The following MSI2 variants were observed in gnomAD, a reference collection of about 807,000 sequenced individuals.
MSI2 encodes the protein musashi RNA binding protein 2.
A neutral mutation model predicts 45.6 loss-of-function variants in MSI2; 17 were observed. The ratio of observed to expected loss-of-function variants is 0.37; its 90% CI spans 0.26 to 0.56. The LOEUF (loss-of-function observed/expected upper bound fraction) is 0.56. Among genes scored for constraint, MSI2 ranks in the 20% least tolerant of loss-of-function variants. The probability of loss-of-function intolerance (pLI) is 0.77; values close to 1 mark genes in which losing one functional copy is unlikely to be tolerated. For missense variants in MSI2, 293 were observed against 444.2 expected (o/e 0.66, Z 3.06); for synonymous variants, 156 against 158.2 (o/e 0.99, Z 0.11).
intron 7 of MSI2, among the ~76,000 whole-genome samples, chr17:57,593,360 G>A (rs1027722911): frequency 4.6e-5 from 7 of 152,140 alleles, no homozygotes; most frequent in African/African-American, 1.4e-4. Flanking sequence ...GGAAGCCAGC[G>A]CTGCACTCCC....
At chr17:57,608,939 A>G (rs1906946893) in intron 8 of MSI2, among the ~76,000 whole-genome samples, 1 of 152,194 alleles carries the variant, frequency 6.6e-6, no homozygotes, top group African/African-American at 2.4e-5. Context: ...AGCAGTGACC[A>G]GGAAGAAAAA....
chr17:57,414,494 ACT>A (rs1227575930), intron 6 of MSI2, among the ~76,000 whole-genome samples: 1 of 151,398 alleles, frequency 6.6e-6, no homozygotes, highest in African/African-American at 2.4e-5. Context: ...GGTTCAAGCA[ACT>A]CTCCTGCCTC....
intron 6 of MSI2, among the ~76,000 whole-genome samples, chr17:57,477,164 G>A (rs549352582): frequency 8.7e-6 from 1 of 114,290 alleles, no homozygotes; most frequent in African/African-American, 2.8e-5. Context: ...GTGTGTGTGT[G>A]TGTGTGTGTG....
chr17:57,428,692 G>A (rs1256080664), intron 6 of MSI2, among the ~76,000 whole-genome samples: 1 of 152,142 alleles, frequency 6.6e-6, no homozygotes, highest in Admixed American at 6.5e-5. Flanking sequence ...GTAGCAAAAA[G>A]CTGGGTCTCA....
chr17:57,432,875 T>A (rs1408249105), intron 6 of MSI2, among the ~76,000 whole-genome samples: 1 of 152,198 alleles, frequency 6.6e-6, no homozygotes, highest in Non-Finnish European at 1.5e-5. Context: ...CTGAACCCCT[T>A]CTGCTTCCTG....
intron 7 of MSI2, among the ~76,000 whole-genome samples, chr17:57,532,934 G>A (rs2086851300): frequency 6.6e-6 from 1 of 152,216 alleles, no homozygotes; most frequent in Non-Finnish European, 1.5e-5. Flanking sequence ...ACAGCTACCT[G>A]TGTGTCCTTG....
chr17:57,519,327 A>G (rs2086535729), intron 6 of MSI2, among the ~76,000 whole-genome samples: 1 of 152,076 alleles, frequency 6.6e-6, no homozygotes, highest in Non-Finnish European at 1.5e-5. Context: ...GTCTGTTATG[A>G]TGAGCATTTT....
rs548273916 is a variant in MSI2 at position 57,301,309 on chromosome 17, C to T, written c.312+39117C>T. On this transcript the variant is annotated intron_variant, in intron 5 of 13. Coordinates refer to ENST00000284073, the MANE Select transcript of MSI2 (RefSeq NM_138962.4). Reference sequence around the variant, plus strand: ...CCTTAAGAAGTAGGTTTCTTTAGAGCGGATGCAAGGTCCCAGAAGGACAGT... The same window carrying T: ...CCTTAAGAAGTAGGTTTCTTTAGAGTGGATGCAAGGTCCCAGAAGGACAGT... Among the ~76,000 whole-genome samples, 7 of 152,242 alleles carry T rather than the reference C, an allele frequency of 4.6e-5. 1 individual carries two copies. The highest frequency in any genetic ancestry group is 1.2e-4 in the African/African-American group (5 of 41,542).
intron 5 of MSI2, among the ~76,000 whole-genome samples, chr17:57,391,595 G>A (rs760102979): frequency 5.9e-5 from 9 of 152,106 alleles, no homozygotes; most frequent in Non-Finnish European, 8.8e-5. Flanking sequence ...ACCCCTCACC[G>A]TGAGTCATCT....
chr17:57,432,311 C>G (rs898106292), intron 6 of MSI2, among the ~76,000 whole-genome samples: 3 of 152,130 alleles, frequency 2.0e-5, no homozygotes, highest in African/African-American at 7.2e-5. Context: ...AGCTGGTGTC[C>G]CTCTTTCCGT....
chr17:57,389,643 G>T (rs544575518), intron 5 of MSI2, among the ~76,000 whole-genome samples: 2 of 152,364 alleles, frequency 1.3e-5, no homozygotes, highest in South Asian at 2.1e-4. Context: ...TGATGAGAGA[G>T]TGGATTAATG....
intron 6 of MSI2, among the ~76,000 whole-genome samples, chr17:57,461,085 T>A (rs2085217819): frequency 2.0e-5 from 3 of 152,154 alleles, no homozygotes. Flanking sequence ...GTGCCCCATT[T>A]CCTCTGAAGA....
At chr17:57,632,119 C>G in intron 10 of MSI2, 1 of 1,236,292 alleles carries the variant, frequency 8.1e-7, no homozygotes, top group Non-Finnish European at 1.0e-6. Context: ...GGAAACTTCT[C>G]ACAAACTTCG....
chr17:57,535,489 G>A (rs1434639342), intron 7 of MSI2, among the ~76,000 whole-genome samples: 1 of 152,264 alleles, frequency 6.6e-6, no homozygotes, highest in Non-Finnish European at 1.5e-5. Context: ...AGAGGCAAAG[G>A]AACAGGAGAC....
Position 57,680,532 on chromosome 17 carries a change from G to A in MSI2, c.*1015G>A, listed in dbSNP as rs1015791226. On this transcript the variant is annotated 3_prime_UTR_variant, in exon 14 of 14. Coordinates refer to ENST00000284073, the MANE Select transcript of MSI2 (RefSeq NM_138962.4). ...GCCAGGACCACCCCAGGACAAGTTA[G>A]AGCACTGTTTAGCTCCTTTGTCTGT... 3 of 229,132 alleles carry A rather than the reference G, an allele frequency of 1.3e-5. No homozygotes were observed. Among genetic ancestry groups the A allele is most frequent in the Admixed American group, 5.7e-5 (1 of 17,612 alleles). The allele number at this position is 229,132 out of a possible 1,614,324, so 14.2% of individuals were successfully genotyped here.
intron 6 of MSI2, among the ~76,000 whole-genome samples, chr17:57,464,021 A>ATATG (rs2085284020): frequency 2.0e-5 from 1 of 51,002 alleles, no homozygotes; most frequent in South Asian, 5.8e-4. Context: ...GTGTGTGTGT[A>ATATG]TGTGTGTGTG....
intron 6 of MSI2, among the ~76,000 whole-genome samples, chr17:57,499,992 C>T (rs1388360207): frequency 2.0e-5 from 3 of 151,908 alleles, no homozygotes; most frequent in Non-Finnish European, 2.9e-5. Flanking sequence ...AAGTGAGTCT[C>T]AAACTCTCAA....
At chr17:57,414,502 G>T (rs150044981) in intron 6 of MSI2, among the ~76,000 whole-genome samples, 1 of 151,914 alleles carries the variant, frequency 6.6e-6, no homozygotes, top group Non-Finnish European at 1.5e-5. Flanking sequence ...CAACTCTCCT[G>T]CCTCAGCCTC....
chr17:57,338,468 GTC>G (rs1369206595), intron 5 of MSI2, among the ~76,000 whole-genome samples: 2 of 152,352 alleles, frequency 1.3e-5, no homozygotes, highest in East Asian at 3.9e-4. Context: ...GCTCACTGCA[GTC>G]TCTGCCTGAG....
Sources: allele counts gnomAD v4.1 joint callset (sites outside exome capture counted in the v4.1 genomes callset), GRCh38; gene constraint gnomAD v4.1.1; transcripts MANE v1.5; gene names NCBI Gene and HGNC (gene_info 2026-07-23, HGNC 2026-07-21).